Variants in DCC observed in about 807,000 individuals in gnomAD.
The protein encoded by DCC is netrin receptor DCC.
A neutral mutation model predicts 172.5 loss-of-function variants in DCC; 58 were observed. The observed-to-expected ratio is 0.34, with a 90% confidence interval of 0.27 to 0.42. The LOEUF is 0.42. DCC is among the 10% of genes least tolerant of loss of function. DCC has a pLI of 1.00. For synonymous variants in DCC, 709 were observed against 644.5 expected (o/e 1.10, Z -1.52); for missense variants, 1,740 against 1,791.0 (o/e 0.97, Z 0.51).
chr18:52,445,497 C>G (rs868414912), intron 1 of DCC, among the ~76,000 whole-genome samples: 2 of 152,166 alleles, frequency 1.3e-5, no homozygotes, highest in South Asian at 4.1e-4. Context: ...AATACACCCA[C>G]TTTATATATT....
chr18:53,132,896 T>G (rs1029399414), intron 7 of DCC, among the ~76,000 whole-genome samples: 2 of 152,206 alleles, frequency 1.3e-5, no homozygotes, highest in African/African-American at 4.8e-5. Context: ...TTAATGGATC[T>G]GGGACAAAAC....
chr18:52,876,684 A>T (rs2039407784), intron 2 of DCC, among the ~76,000 whole-genome samples: 1 of 152,214 alleles, frequency 6.6e-6, no homozygotes, highest in South Asian at 2.1e-4. Flanking sequence ...GAAGCCCATA[A>T]ATATCTTTGT....
chr18:52,425,114 A>G (rs1301908037), intron 1 of DCC, among the ~76,000 whole-genome samples: 1 of 152,148 alleles, frequency 6.6e-6, no homozygotes, highest in Non-Finnish European at 1.5e-5. Flanking sequence ...TGATAAGTTT[A>G]GATATTTCCT....
intron 22 of DCC, among the ~76,000 whole-genome samples, chr18:53,446,280 T>C (rs1040737023): frequency 3.3e-5 from 5 of 151,992 alleles, no homozygotes; most frequent in Non-Finnish European, 7.4e-5. Context: ...AGTGAGACCC[T>C]GTTTCTAAAA....
intron 5 of DCC, among the ~76,000 whole-genome samples, chr18:53,049,090 C>T (rs546848741): frequency 6.6e-6 from 1 of 151,948 alleles, no homozygotes; most frequent in Admixed American, 6.6e-5. Flanking sequence ...ATGCCTTTGT[C>T]AGATATTATG....
intron 5 of DCC, among the ~76,000 whole-genome samples, chr18:52,988,622 G>A (rs2041333040): frequency 6.6e-6 from 1 of 151,744 alleles, no homozygotes; most frequent in Non-Finnish European, 1.5e-5. Context: ...TGTAGATAAG[G>A]CATTTTGCTC....
chr18:53,312,966 T>G (rs1369256832), intron 13 of DCC, among the ~76,000 whole-genome samples: 4,702 of 25,136 alleles, frequency 0.19, no homozygotes, highest in Non-Finnish European at 0.2. Context: ...GAGGAGGGAG[T>G]GGGGAGAGGA....
intron 2 of DCC, among the ~76,000 whole-genome samples, chr18:52,796,849 CTA>C (rs1293064247): frequency 6.6e-6 from 1 of 152,038 alleles, no homozygotes; most frequent in Non-Finnish European, 1.5e-5. Flanking sequence ...ATCTAGATGT[CTA>C]TATGTTTTTC....
At chr18:53,244,835 C>A (rs930560031) in intron 12 of DCC, among the ~76,000 whole-genome samples, 3 of 152,082 alleles carry the variant, frequency 2.0e-5, no homozygotes, top group African/African-American at 7.2e-5. Context: ...ACCCCAGAAT[C>A]ACAGTGTGTG....
At chr18:53,218,760 G>A (rs147145100) in intron 12 of DCC, among the ~76,000 whole-genome samples, 2 of 151,980 alleles carry the variant, frequency 1.3e-5, no homozygotes, top group African/African-American at 4.8e-5. Flanking sequence ...CGTTTTATTA[G>A]GAAAACTTTT....
At position 52,792,868 on chromosome 18, in the gene DCC, C is replaced by A. The variant is rs879091029; in HGVS notation, c.412+40494C>A. ...CCATTCCATTCCATTCGGGTTGATT[C>A]AATTCCAATTAAAGGACAGATTTTG... On this transcript the variant is annotated intron_variant, in intron 2 of 28. Coordinates refer to ENST00000442544, the MANE Select transcript of DCC (RefSeq NM_005215.4). 7.4e-5 allele frequency among the ~76,000 whole-genome samples: 5 copies of A among 67,468 alleles called. No homozygotes were observed. In the East Asian group the frequency reaches 1.4e-3, roughly 19 times the overall value. The allele number at this position is 67,468 out of a possible 152,430, so 44.3% of individuals were successfully genotyped here. A position where few individuals can be genotyped will look rare whatever the true frequency, so the allele number is the denominator to read the frequency against.
In DCC at chr18:53,434,910, G is replaced by T. The variant is rs969724939; in HGVS notation, c.3164-234G>T. The stretch of plus-strand genomic sequence containing the variant: ...GGAGAAATAAAAAGAATGGAGGATG[G>T]CATATCAGTGAAACACTGAATTTAG... On this transcript the variant is annotated intron_variant, in intron 21 of 28. Transcript: ENST00000442544. Among the ~76,000 whole-genome samples the T allele has an allele frequency of 2.6e-5, 4 of 152,094 alleles. No homozygotes were observed. In the South Asian group the frequency reaches 8.3e-4, roughly 31 times the overall value.
At chr18:52,495,583 C>G (rs1315374697) in intron 1 of DCC, among the ~76,000 whole-genome samples, 1 of 152,042 alleles carries the variant, frequency 6.6e-6, no homozygotes, top group Non-Finnish European at 1.5e-5. Context: ...TTCATCTTGG[C>G]AGAAACCATG....
chr18:53,363,013 C>T lies in DCC; in HGVS notation c.2360-23030C>T, dbSNP rs118106388. 5.6e-3 allele frequency among the ~76,000 whole-genome samples: 848 copies of T among 152,226 alleles called. 6 individuals are homozygous for T. Among genetic ancestry groups the T allele is most frequent in the Admixed American group, 0.024 (373 of 15,272 alleles). On this transcript the variant is annotated intron_variant, in intron 15 of 28. Transcript: ENST00000442544. ...ACAATGTACCTAAAAGGAGGGTGTT[C>T]TGATTGACGCCATCTTACAATGCAT...
At chr18:53,372,240 G>T (rs989277959) in intron 15 of DCC, among the ~76,000 whole-genome samples, 1 of 152,054 alleles carries the variant, frequency 6.6e-6, no homozygotes, top group Non-Finnish European at 1.5e-5. Flanking sequence ...TGGTAGACTG[G>T]ATAAAGAAAA....
intron 1 of DCC, among the ~76,000 whole-genome samples, chr18:52,712,486 A>G (rs574757863): frequency 1.3e-5 from 2 of 152,166 alleles, no homozygotes; most frequent in South Asian, 4.1e-4. Flanking sequence ...ATGTTATACC[A>G]TTTTACAGAT....
At chr18:53,439,992 C>T (rs1202404850) in intron 22 of DCC, among the ~76,000 whole-genome samples, 1 of 151,392 alleles carries the variant, frequency 6.6e-6, no homozygotes, top group Non-Finnish European at 1.5e-5. Flanking sequence ...GTCTCGATCT[C>T]TTGACCTCGT....
intron 13 of DCC, among the ~76,000 whole-genome samples, chr18:53,307,945 AT>A (rs2057222497): frequency 9.0e-6 from 1 of 110,712 alleles, no homozygotes; most frequent in Non-Finnish European, 1.8e-5. Flanking sequence ...ATATATATAT[AT>A]ATATGTATTT....
chr18:53,258,697 G>C (rs144807231), intron 12 of DCC, among the ~76,000 whole-genome samples: 114 of 152,266 alleles, frequency 7.5e-4, no homozygotes, highest in African/African-American at 2.6e-3. Flanking sequence ...TGTTGATTTG[G>C]GGTACGGAGT....
Sources: gnomAD v4.1 joint callset for allele counts (sites outside exome capture counted in the v4.1 genomes callset) on GRCh38, gnomAD v4.1.1 for gene constraint, MANE v1.5 for transcripts, NCBI Gene and HGNC (gene_info 2026-07-23, HGNC 2026-07-21) for gene names.